The following C8orf34 variants were observed in gnomAD, a reference collection of about 807,000 sequenced individuals.
C8orf34 encodes the protein uncharacterized protein C8orf34.
In C8orf34, 65 loss-of-function variants were observed where a neutral mutation model predicts 68.3. The observed-to-expected ratio is 0.95, with a 90% CI of 0.78 to 1.17. The LOEUF (loss-of-function observed/expected upper bound fraction) is 1.17, where lower values mean the gene tolerates loss of function less well. Among genes scored for constraint, C8orf34 ranks in the 50% most tolerant of loss-of-function variants. The pLI is 0.00. For missense variants in C8orf34, 664 were observed against 655.4 expected, an observed-to-expected ratio of 1.01 and a Z score of -0.14; for synonymous variants, 244 against 241.2, an observed-to-expected ratio of 1.01 and a Z score of -0.11.
At position 68,541,783 on chromosome 8, in the gene C8orf34, TTTCCC is replaced by T. The variant is rs1401832076; in HGVS notation, c.1105+8636_1105+8640del. On this transcript the variant is annotated intron_variant, in intron 7 of 13. Transcript: ENST00000518698. ...AAAGATCATGGCATAGAACTTGAAT[TTTCCC>T]TAATGTGTTAGAATGAATCTTGGCC... is the stretch of plus-strand genomic sequence containing the variant. Among the ~76,000 whole-genome samples the T allele has an allele frequency of 2.6e-5, 4 of 152,310 alleles. No individual in the cohort carries two copies. The East Asian group carries it at 7.7e-4, about 29-fold the overall frequency.
In C8orf34 at chr8:68,345,757, A is replaced by T. The variant is rs192407656; in HGVS notation, c.327+14418A>T. ...TATACATATAAGTGGGTATATATAT[A>T]TTTTTTGTGTATTATATATATGTGT... On this transcript the variant is annotated intron_variant, in intron 1 of 13. Coordinates refer to ENST00000518698, the MANE Select transcript of C8orf34 (RefSeq NM_052958.4). Among the ~76,000 whole-genome samples, 270 of 149,704 alleles carry T rather than the reference A, an allele frequency of 1.8e-3. 1 individual carries two copies. Among genetic ancestry groups the T allele is most frequent in the African/African-American group, 6.7e-3 (262 of 39,336 alleles).
intron 1 of C8orf34, among the ~76,000 whole-genome samples, chr8:68,383,095 T>C (rs898569918): frequency 6.6e-6 from 1 of 152,120 alleles, no homozygotes; most frequent in African/African-American, 2.4e-5. Context: ...GACCAAGAAT[T>C]AGGAAATCTG....
intron 10 of C8orf34, among the ~76,000 whole-genome samples, chr8:68,743,173 G>A (rs564729289): frequency 1.2e-4 from 18 of 152,284 alleles, no homozygotes; most frequent in African/African-American, 3.6e-4. Context: ...AGAACAATTC[G>A]AAAGATGACA....
chr8:68,583,721 T>G (rs1388196247), intron 7 of C8orf34, among the ~76,000 whole-genome samples: 1 of 152,196 alleles, frequency 6.6e-6, no homozygotes, highest in East Asian at 1.9e-4. Context: ...CTACAAATAT[T>G]TAAATGGCGA....
chr8:68,758,845 T>C (rs1563652785), intron 10 of C8orf34, among the ~76,000 whole-genome samples: 1 of 151,412 alleles, frequency 6.6e-6, no homozygotes. Context: ...GTCCGGACTT[T>C]CCTCAATGGA....
At chr8:68,383,421 C>G (rs1305486782) in intron 1 of C8orf34, among the ~76,000 whole-genome samples, 2 of 152,132 alleles carry the variant, frequency 1.3e-5, no homozygotes, top group African/African-American at 4.8e-5. Flanking sequence ...CTTGCTTGTT[C>G]AGACAATTTC....
intron 1 of C8orf34, among the ~76,000 whole-genome samples, chr8:68,408,892 G>A (rs552864732): frequency 6.6e-6 from 1 of 152,236 alleles, no homozygotes; most frequent in East Asian, 1.9e-4. Flanking sequence ...GCGTTCAAGC[G>A]ATTCTCCTGC....
intron 1 of C8orf34, among the ~76,000 whole-genome samples, chr8:68,341,907 G>A (rs894416495): frequency 4.6e-5 from 7 of 152,196 alleles, no homozygotes; most frequent in African/African-American, 1.4e-4. Context: ...CACATCAGGG[G>A]TTGAGGGTGG....
chr8:68,376,180 C>A (rs1158794164), intron 1 of C8orf34, among the ~76,000 whole-genome samples: 2 of 53,984 alleles, frequency 3.7e-5, no homozygotes, highest in African/African-American at 2.4e-4. Flanking sequence ...TCAGAAAAGG[C>A]AGACATAAAA....
intron 10 of C8orf34, among the ~76,000 whole-genome samples, chr8:68,727,009 G>T (rs1054471541): frequency 6.6e-6 from 1 of 152,048 alleles, no homozygotes; most frequent in African/African-American, 2.4e-5. Flanking sequence ...TCCCAGCAGT[G>T]CCCCAAAGTC....
chr8:68,674,390 CAG>C (rs1820114693), intron 8 of C8orf34, among the ~76,000 whole-genome samples: 1 of 152,026 alleles, frequency 6.6e-6, no homozygotes, highest in Non-Finnish European at 1.5e-5. Context: ...TGAGAAAACT[CAG>C]TGAAATTCAA....
At chr8:68,487,737 C>T (rs986531560) in intron 4 of C8orf34, among the ~76,000 whole-genome samples, 3 of 152,154 alleles carry the variant, frequency 2.0e-5, no homozygotes, top group African/African-American at 4.8e-5. Context: ...CAATTACATT[C>T]GCAAGTTTGT....
Position 68,520,955 on chromosome 8 carries a change from C to G in C8orf34, c.766-844C>G, listed in dbSNP as rs138751509. Among the ~76,000 whole-genome samples the G allele has an allele frequency of 2.6e-3, 397 of 152,226 alleles. 2 individuals are homozygous for G. Among genetic ancestry groups the G allele is most frequent in the African/African-American group, 9.0e-3 (373 of 41,522 alleles). The stretch of plus-strand genomic sequence containing the variant: ...GAAGAAACTAAAATTACCTGTAGTT[C>G]CTTCATTCAGATAAAGGCACTATTA... On this transcript the variant is annotated intron_variant, in intron 5 of 13. Coordinates refer to ENST00000518698, the MANE Select transcript of C8orf34 (RefSeq NM_052958.4).
At chr8:68,515,376 T>G (rs1343663493) in intron 5 of C8orf34, among the ~76,000 whole-genome samples, 1 of 140,220 alleles carries the variant, frequency 7.1e-6, no homozygotes, top group East Asian at 2.0e-4. Flanking sequence ...AATTTCTCTT[T>G]TTTTTCTTTT....
At position 68,374,525 on chromosome 8, in the gene C8orf34, TA is replaced by T. The variant is rs1207283196; in HGVS notation, c.327+43187del. On this transcript the variant is annotated intron_variant, in intron 1 of 13. Coordinates refer to ENST00000518698, the MANE Select transcript of C8orf34 (RefSeq NM_052958.4). The stretch of plus-strand genomic sequence containing the variant: ...GCTGTTCACCAAACACAAATGAAAA[TA>T]TTTGAACTTCATTGTAATTATTCAA... Among the ~76,000 whole-genome samples, 6 of 152,278 alleles carry T rather than the reference TA, an allele frequency of 3.9e-5. No homozygotes were observed. The East Asian group carries it at 1.2e-3, about 29-fold the overall frequency.
intron 3 of C8orf34, 145 bp downstream of exon 3, chr8:68,446,605 T>C: frequency 1.3e-6 from 1 of 760,580 alleles, no homozygotes; most frequent in Non-Finnish European, 2.1e-6. Flanking sequence ...TTACTCCGCA[T>C]TTACATTGAT....
chr8:68,595,137 ATTT>A (rs397790617), intron 7 of C8orf34, among the ~76,000 whole-genome samples: 43 of 147,952 alleles, frequency 2.9e-4, no homozygotes, highest in African/African-American at 9.4e-4. Flanking sequence ...AAAAAAAAAA[ATTT>A]TTTTTTTTAC....
At chr8:68,575,376 C>A (rs1816871597) in intron 7 of C8orf34, among the ~76,000 whole-genome samples, 1 of 152,020 alleles carries the variant, frequency 6.6e-6, no homozygotes, top group South Asian at 2.1e-4. Flanking sequence ...GTTTATATTG[C>A]AACATTTAGC....
chr8:68,638,791 A>G (rs1311793269), intron 7 of C8orf34, among the ~76,000 whole-genome samples: 1 of 152,026 alleles, frequency 6.6e-6, no homozygotes, highest in East Asian at 1.9e-4. Context: ...ACTATATTTC[A>G]TAGTCACACA....
Sources: allele counts gnomAD v4.1 joint callset (sites outside exome capture counted in the v4.1 genomes callset), GRCh38; gene constraint gnomAD v4.1.1; transcripts MANE v1.5; gene names NCBI Gene and HGNC (gene_info 2026-07-23, HGNC 2026-07-21).